FILIP1L: variants seen among roughly 807,000 people sequenced by gnomAD.
The protein encoded by FILIP1L is filamin A-interacting protein 1-like.
In FILIP1L, 55 loss-of-function variants were observed where a neutral mutation model predicts 96.6. The ratio of observed to expected loss-of-function variants is 0.57; its 90% confidence interval spans 0.46 to 0.71. FILIP1L has a LOEUF of 0.71. Among genes scored for constraint, FILIP1L ranks in the 30% least tolerant of loss-of-function variants. FILIP1L has a pLI of 0.00. For synonymous variants in FILIP1L, 467 were observed against 473.9 expected (o/e 0.99, Z 0.19); for missense variants, 1,304 against 1,321.2 (o/e 0.99, Z 0.20).
chr3:100,070,845 A>G (rs2065749328), intron 1 of FILIP1L, among the ~76,000 whole-genome samples: 1 of 152,136 alleles, frequency 6.6e-6, no homozygotes, highest in Non-Finnish European at 1.5e-5. Context: ...TGGCCAGGAT[A>G]TTCACGAACT....
At chr3:99,998,789 T>A (rs1709757190) in intron 1 of FILIP1L, among the ~76,000 whole-genome samples, 1 of 152,210 alleles carries the variant, frequency 6.6e-6, no homozygotes, top group African/African-American at 2.4e-5. Flanking sequence ...CAGGATGGTC[T>A]CGATCTCCTG....
intron 5 of FILIP1L, among the ~76,000 whole-genome samples, chr3:99,832,568 C>T (rs1444878549): frequency 1.5e-5 from 2 of 134,184 alleles, no homozygotes; most frequent in Non-Finnish European, 1.6e-5. Flanking sequence ...AAAGGCCTAG[C>T]GCAGTGGCTC....
At chr3:99,851,263 C>A (rs1487530992) in intron 4 of FILIP1L, among the ~76,000 whole-genome samples, 193 bp from the exon 5 acceptor site, 1 of 152,132 alleles carries the variant, frequency 6.6e-6, no homozygotes, top group Non-Finnish European at 1.5e-5. Flanking sequence ...TTTTATTTGA[C>A]TACCATTGAT....
chr3:100,084,538 C>T (rs1320975071), intron 1 of FILIP1L, among the ~76,000 whole-genome samples: 9 of 152,100 alleles, frequency 5.9e-5, no homozygotes, highest in Non-Finnish European at 1.0e-4. Context: ...AACGGGAAAA[C>T]AATACAGTGT....
chr3:100,106,734 A>T (rs1176344528), intron 1 of FILIP1L, among the ~76,000 whole-genome samples: 1 of 152,164 alleles, frequency 6.6e-6, no homozygotes, highest in African/African-American at 2.4e-5. Flanking sequence ...TAGATGAGTT[A>T]TACCCCATCT....
At chr3:99,835,725 G>C (rs1192868635) in intron 5 of FILIP1L, among the ~76,000 whole-genome samples, 1 of 152,176 alleles carries the variant, frequency 6.6e-6, no homozygotes, top group East Asian at 1.9e-4. Flanking sequence ...TCTTGCTTTT[G>C]AGATGATAGC....
At chr3:100,032,088 A>G (rs1465390474) in intron 1 of FILIP1L, among the ~76,000 whole-genome samples, 4 of 152,218 alleles carry the variant, frequency 2.6e-5, no homozygotes, top group Admixed American at 6.5e-5. Flanking sequence ...CCCATTAGCC[A>G]TAGTTTGCTA....
At chr3:100,021,960 T>TGTGAGAGA (rs1321185364) in intron 1 of FILIP1L, among the ~76,000 whole-genome samples, 142 of 93,316 alleles carry the variant, frequency 1.5e-3, no homozygotes, top group East Asian at 3.5e-3. Flanking sequence ...TGTGTGTGTG[T>TGTGAGAGA]GAGAGAGAGA....
intron 1 of FILIP1L, among the ~76,000 whole-genome samples, chr3:99,986,396 T>G (rs1432263254): frequency 2.0e-5 from 3 of 152,212 alleles, no homozygotes; most frequent in South Asian, 2.1e-4. Flanking sequence ...TTTGCATATT[T>G]TTTAAATAAA....
intron 5 of FILIP1L, among the ~76,000 whole-genome samples, chr3:99,838,414 C>A (rs1942985403): frequency 6.6e-6 from 1 of 152,162 alleles, no homozygotes; most frequent in African/African-American, 2.4e-5. Flanking sequence ...GATACAGACC[C>A]TTCAGTGTGG....
At chr3:100,102,660 A>G (rs1365684424) in intron 1 of FILIP1L, among the ~76,000 whole-genome samples, 1 of 152,210 alleles carries the variant, frequency 6.6e-6, no homozygotes, top group African/African-American at 2.4e-5. Context: ...GTCCTCCGCC[A>G]TGCTTTGCAT....
At chr3:99,922,368 C>T (rs1406940331) in intron 4 of FILIP1L, among the ~76,000 whole-genome samples, 1 of 152,156 alleles carries the variant, frequency 6.6e-6, no homozygotes, top group Non-Finnish European at 1.5e-5. Flanking sequence ...ATTTCTTGTG[C>T]TCCTTTAATC....
chr3:100,092,329 T>C (rs1227223830), intron 1 of FILIP1L, among the ~76,000 whole-genome samples: 6 of 152,134 alleles, frequency 3.9e-5, no homozygotes, highest in Admixed American at 3.9e-4. Flanking sequence ...TTTCCCGTCA[T>C]AGCATATTTT....
At chr3:100,084,460 A>G (rs2065976677) in intron 1 of FILIP1L, among the ~76,000 whole-genome samples, 1 of 152,240 alleles carries the variant, frequency 6.6e-6, no homozygotes, top group South Asian at 2.1e-4. Context: ...ATATATAGAA[A>G]AACTCAAAGA....
At chr3:99,979,156 A>G (rs1038449419) in intron 1 of FILIP1L, among the ~76,000 whole-genome samples, 5 of 152,244 alleles carry the variant, frequency 3.3e-5, no homozygotes, top group Non-Finnish European at 7.3e-5. Context: ...TTTGATCATT[A>G]CACACTGTAT....
At chr3:99,922,010 T>C (rs1489732860) in intron 4 of FILIP1L, among the ~76,000 whole-genome samples, 2 of 152,204 alleles carry the variant, frequency 1.3e-5, no homozygotes, top group African/African-American at 2.4e-5. Context: ...ATAGTAGAGA[T>C]ACACAGTGAA....
At chr3:99,983,270 A>G (rs1709180399) in intron 1 of FILIP1L, among the ~76,000 whole-genome samples, 1 of 150,994 alleles carries the variant, frequency 6.6e-6, no homozygotes, top group Non-Finnish European at 1.5e-5. Flanking sequence ...ACAGTGACTC[A>G]TGCCTGTAAT....
At chr3:99,867,279 T>C (rs984386447) in intron 4 of FILIP1L, among the ~76,000 whole-genome samples, 2 of 152,172 alleles carry the variant, frequency 1.3e-5, no homozygotes, top group African/African-American at 2.4e-5. Context: ...AATGTTCTGT[T>C]TGTGGCAGTT....
At chr3:99,956,412 G>A (rs1375623853) in intron 1 of FILIP1L, among the ~76,000 whole-genome samples, 2 of 152,174 alleles carry the variant, frequency 1.3e-5, no homozygotes, top group Admixed American at 1.3e-4. Flanking sequence ...GAGTGCCCTG[G>A]CATGATCTTG....
Sources: gnomAD v4.1 joint callset for allele counts (sites outside exome capture counted in the v4.1 genomes callset) on GRCh38, gnomAD v4.1.1 for gene constraint, MANE v1.5 for transcripts, NCBI Gene and HGNC (gene_info 2026-07-23, HGNC 2026-07-21) for gene names.